CEP128: variants seen among roughly 807,000 people sequenced by gnomAD.
The protein encoded by CEP128 is centrosomal protein 128kDa.
A neutral mutation model predicts 156.7 loss-of-function variants in CEP128; 132 were observed. That is an observed-to-expected ratio of 0.84 (90% CI 0.73 to 0.97). CEP128 has a LOEUF of 0.97. CEP128 is among the 50% of genes least tolerant of loss of function. CEP128 has a pLI of 0.00. For synonymous variants in CEP128, 469 were observed against 448.9 expected (o/e 1.04, Z -0.57); for missense variants, 1,252 against 1,281.9 (o/e 0.98, Z 0.36).
chr14:80,589,256 G>C (rs1056613285), intron 19 of CEP128, among the ~76,000 whole-genome samples: 5 of 152,038 alleles, frequency 3.3e-5, no homozygotes, highest in African/African-American at 1.2e-4. Flanking sequence ...TTTCATTCCT[G>C]ACCTCCAGAG....
At position 80,690,810 on chromosome 14, in the gene CEP128, T is replaced by C. The variant is rs527693998; in HGVS notation, c.2806+52265A>G. On this transcript the variant is annotated intron_variant, in intron 19 of 24. Transcript: ENST00000555265. ...GAACTCAAAATCATTTCATTATATA[T>C]GAAAAATCCTAAATATGATGATTTA... Among the ~76,000 whole-genome samples, 8 of 152,292 alleles carry C rather than the reference T, an allele frequency of 5.3e-5. No homozygotes were observed. The East Asian group carries it at 7.7e-4, about 15-fold the overall frequency.
chr14:80,592,003 G>A (rs1023208087), intron 19 of CEP128, among the ~76,000 whole-genome samples: 8 of 152,138 alleles, frequency 5.3e-5, no homozygotes, highest in African/African-American at 1.9e-4. Flanking sequence ...ACACAGATAA[G>A]CAGTGTTTAG....
At chr14:80,911,520 A>C (rs1884214442) in intron 4 of CEP128, among the ~76,000 whole-genome samples, 1 of 152,176 alleles carries the variant, frequency 6.6e-6, no homozygotes, top group Non-Finnish European at 1.5e-5. Context: ...TAAGTAAACA[A>C]ATAAAATTTT....
chr14:80,572,083 T>C (rs2140416408), intron 20 of CEP128, among the ~76,000 whole-genome samples: 1 of 152,332 alleles, frequency 6.6e-6, no homozygotes, highest in South Asian at 2.1e-4. Context: ...ATACAGACCA[T>C]CACCCTTTGG....
At chr14:80,795,128 G>A (rs531191187) in intron 13 of CEP128, among the ~76,000 whole-genome samples, 2 of 152,086 alleles carry the variant, frequency 1.3e-5, no homozygotes, top group East Asian at 3.9e-4. Context: ...TCTGCTTCTA[G>A]AGCCCATGTT....
downstream of CEP128, among the ~76,000 whole-genome samples, chr14:80,494,596 A>T (rs931431595): frequency 1.3e-5 from 2 of 152,186 alleles, no homozygotes; most frequent in Non-Finnish European, 2.9e-5. Context: ...GATTAGAGAA[A>T]ATGTTAACAA....
intron 19 of CEP128, among the ~76,000 whole-genome samples, chr14:80,719,049 G>A (rs191650837): frequency 3.9e-5 from 6 of 152,238 alleles, no homozygotes; most frequent in South Asian, 2.1e-4. Flanking sequence ...AGCAGGAACC[G>A]GCAGATGGCA....
intron 13 of CEP128, among the ~76,000 whole-genome samples, chr14:80,805,023 C>CATGT (rs1884093937): frequency 6.6e-6 from 1 of 151,990 alleles, no homozygotes; most frequent in Non-Finnish European, 1.5e-5. Flanking sequence ...CATGTACAAC[C>CATGT]CAATAGCAAT....
At chr14:80,796,193 A>G (rs1218995744) in intron 13 of CEP128, among the ~76,000 whole-genome samples, 1 of 152,110 alleles carries the variant, frequency 6.6e-6, no homozygotes, top group Admixed American at 6.5e-5. Flanking sequence ...GCCAAATACA[A>G]TAACTCTTTA....
At chr14:80,560,479 T>A (rs1394169533) in intron 20 of CEP128, among the ~76,000 whole-genome samples, 1 of 152,126 alleles carries the variant, frequency 6.6e-6, no homozygotes, top group Non-Finnish European at 1.5e-5. Context: ...ATCTGGATTT[T>A]TAAAAATAAA....
At chr14:80,655,944 C>G (rs1895114841) in intron 19 of CEP128, among the ~76,000 whole-genome samples, 2 of 151,710 alleles carry the variant, frequency 1.3e-5, no homozygotes, top group Non-Finnish European at 2.9e-5. Flanking sequence ...TTGAGTTTAT[C>G]TTCTTTTTAT....
intron 19 of CEP128, among the ~76,000 whole-genome samples, chr14:80,698,495 CAAACTT>C (rs1421716850): frequency 6.6e-6 from 1 of 152,116 alleles, no homozygotes; most frequent in Non-Finnish European, 1.5e-5. Flanking sequence ...GTTTAAGAAA[CAAACTT>C]AAAGAAGTTA....
intron 19 of CEP128, among the ~76,000 whole-genome samples, chr14:80,603,213 T>C (rs1566805631): frequency 6.6e-6 from 1 of 152,288 alleles, no homozygotes; most frequent in South Asian, 2.1e-4. Flanking sequence ...AACCCAACTG[T>C]CCATCAAATG....
At chr14:80,681,023 C>T (rs1452213267) in intron 19 of CEP128, among the ~76,000 whole-genome samples, 1 of 144,400 alleles carries the variant, frequency 6.9e-6, no homozygotes, top group Non-Finnish European at 1.5e-5. Flanking sequence ...ACCATGCTGG[C>T]TATATACCAT....
Position 80,756,365 on chromosome 14 carries a change from T to A in CEP128, c.2613+527A>T, listed in dbSNP as rs555120798. On this transcript the variant is annotated intron_variant, in intron 18 of 24. Coordinates refer to ENST00000555265, the MANE Select transcript of CEP128 (RefSeq NM_152446.5). Reference sequence around the variant, plus strand: ...CATAGTTGGCCTTCAAAGGTAAACTTTATCTTTCCATCACCTCCCACCCAT... The same window carrying A: ...CATAGTTGGCCTTCAAAGGTAAACTATATCTTTCCATCACCTCCCACCCAT... Among the ~76,000 whole-genome samples, 4 of 152,242 alleles carry A rather than the reference T, an allele frequency of 2.6e-5. No homozygotes were observed. The East Asian group carries it at 7.7e-4, about 29-fold the overall frequency.
intron 13 of CEP128, among the ~76,000 whole-genome samples, chr14:80,819,692 T>C (rs909085021): frequency 1.3e-5 from 2 of 152,150 alleles, no homozygotes; most frequent in African/African-American, 4.8e-5. Flanking sequence ...CAATATTCAG[T>C]CTATAATACT....
At chr14:80,568,712 A>G (rs1248780509) in intron 20 of CEP128, among the ~76,000 whole-genome samples, 2 of 152,170 alleles carry the variant, frequency 1.3e-5, no homozygotes, top group Non-Finnish European at 2.9e-5. Flanking sequence ...ACGCGCAGGT[A>G]AGAAGGGAAA....
At chr14:80,793,648 CATA>C (rs1406001040) in intron 13 of CEP128, among the ~76,000 whole-genome samples, 2 of 152,084 alleles carry the variant, frequency 1.3e-5, no homozygotes, top group Non-Finnish European at 2.9e-5. Context: ...GATAAACCAA[CATA>C]ATATTATACA....
At chr14:80,894,082 G>A (rs936119928) in intron 8 of CEP128, among the ~76,000 whole-genome samples, 3 of 151,798 alleles carry the variant, frequency 2.0e-5, no homozygotes, top group African/African-American at 7.3e-5. Context: ...GAACATCTTC[G>A]TGATCTAAGT....
Sources: gnomAD v4.1 joint callset for allele counts (sites outside exome capture counted in the v4.1 genomes callset) on GRCh38, gnomAD v4.1.1 for gene constraint, MANE v1.5 for transcripts, NCBI Gene and HGNC (gene_info 2026-07-23, HGNC 2026-07-21) for gene names.